The following DENND5B variants were observed in gnomAD, a reference collection of about 807,000 sequenced individuals.
DENND5B encodes DENN domain-containing protein 5B.
A neutral mutation model predicts 140.6 loss-of-function variants in DENND5B; 34 were observed. The ratio of observed to expected loss-of-function variants is 0.24; its 90% CI spans 0.18 to 0.32. The LOEUF (loss-of-function observed/expected upper bound fraction) is 0.32, where lower values mean the gene tolerates loss of function less well. Ranked by LOEUF, DENND5B falls within the 10% of genes least tolerant of loss-of-function variation. The pLI, the probability that DENND5B is intolerant of heterozygous loss-of-function variation, is 1.00. For synonymous variants in DENND5B, 551 were observed against 562.1 expected, an observed-to-expected ratio of 0.98 and a Z score of 0.28; for missense variants, 1,142 against 1,560.2, an observed-to-expected ratio of 0.73 and a Z score of 4.52.
intron 12 of DENND5B, among the ~76,000 whole-genome samples, chr12:31,414,819 G>A (rs147941637): frequency 4.1e-4 from 63 of 152,130 alleles, no homozygotes; most frequent in Non-Finnish European, 2.2e-4. Context: ...CTACTCAGGA[G>A]GCTGAGGCAG....
chr12:31,545,592 G>A (rs1242923228), intron 1 of DENND5B, among the ~76,000 whole-genome samples: 4 of 152,194 alleles, frequency 2.6e-5, no homozygotes, highest in Non-Finnish European at 5.9e-5. Flanking sequence ...TAAAATGTAT[G>A]TAGTAATGAA....
chr12:31,527,780 G>GA (rs914212249), intron 1 of DENND5B, among the ~76,000 whole-genome samples: 2,273 of 146,070 alleles, frequency 0.016, 60 homozygotes, highest in African/African-American at 0.049. Flanking sequence ...TCCATTTGGG[G>GA]AAAAAAAAAA....
At chr12:31,488,274 C>A (rs1946389027) in intron 2 of DENND5B, among the ~76,000 whole-genome samples, 1 of 151,984 alleles carries the variant, frequency 6.6e-6, no homozygotes. Context: ...AGTGCCTGGA[C>A]TTCAGCTTGT....
intron 10 of DENND5B, 102 bp downstream of exon 10, chr12:31,424,433 C>A: frequency 1.5e-6 from 2 of 1,377,544 alleles, no homozygotes; most frequent in Admixed American, 3.2e-5. Flanking sequence ...CCCCTTGTGA[C>A]AAAAGAGCCT....
intron 2 of DENND5B, among the ~76,000 whole-genome samples, chr12:31,490,128 TG>T (rs1946467409): frequency 7.9e-6 from 1 of 126,292 alleles, no homozygotes; most frequent in Non-Finnish European, 1.7e-5. Context: ...GGTGGATGGT[TG>T]TACCATTCAC....
At chr12:31,432,922 A>T in intron 8 of DENND5B, 1 of 462,576 alleles carries the variant, frequency 2.2e-6, no homozygotes, top group Non-Finnish European at 3.8e-6. Context: ...ACTTGATGTA[A>T]TACACAGAAA....
chr12:31,516,891 A>T (rs562244041), intron 1 of DENND5B, among the ~76,000 whole-genome samples: 2 of 152,174 alleles, frequency 1.3e-5, no homozygotes, highest in Non-Finnish European at 2.9e-5. Context: ...GTGAGCCCTG[A>T]TCGTGCCACT....
rs1178100381 is a variant in DENND5B at position 31,494,195 on chromosome 12, T to TCCAC, written c.237+1614_237+1615insGTGG. On this transcript the variant is annotated intron_variant, in intron 2 of 20. Transcript: ENST00000389082. ...ATCTATCTATCTATCCATCCATCCA[T>TCCAC]CCATCCACCTACCTACCTACCTACC... Among the ~76,000 whole-genome samples the TCCAC allele has an allele frequency of 4.9e-3, 520 of 105,736 alleles. 13 individuals carry two copies. The highest frequency in any genetic ancestry group is 0.032 in the East Asian group (110 of 3,476). The allele number at this position is 105,736 out of a possible 152,430, so 69.4% of individuals were successfully genotyped here.
intron 19 of DENND5B, 129 bp from the exon 20 acceptor site, chr12:31,389,627 T>C (rs983862549): frequency 1.2e-6 from 1 of 814,048 alleles, no homozygotes; most frequent in African/African-American, 1.7e-5. Flanking sequence ...GCCAATATCA[T>C]TACTTTATCA....
chr12:31,543,523 T>C (rs910548755), intron 1 of DENND5B, among the ~76,000 whole-genome samples: 1 of 152,194 alleles, frequency 6.6e-6, no homozygotes, highest in African/African-American at 2.4e-5. Context: ...AAACATACTG[T>C]GCTACCATTT....
In DENND5B at chr12:31,408,353, G is replaced by A. The variant is rs575923782; in HGVS notation, c.2803+910C>T. ...AAACAACAAAATCTCCAGGTCCAGC[G>A]TGGTGGCTCATGCCTGTAATCCCAG... On this transcript the variant is annotated intron_variant, in intron 14 of 20. Coordinates refer to ENST00000389082, the MANE Select transcript of DENND5B (RefSeq NM_144973.4). Among the ~76,000 whole-genome samples the A allele has an allele frequency of 4.0e-5, 6 of 150,728 alleles. No homozygotes were observed. In the South Asian group the frequency reaches 8.5e-4, roughly 21 times the overall value.
chr12:31,508,352 C>G (rs1419100593), intron 1 of DENND5B, among the ~76,000 whole-genome samples: 2 of 152,148 alleles, frequency 1.3e-5, no homozygotes, highest in South Asian at 4.1e-4. Context: ...CACAAAAATA[C>G]CACTTTCTTC....
chr12:31,501,392 T>C (rs1725014359), intron 1 of DENND5B, among the ~76,000 whole-genome samples: 1 of 152,228 alleles, frequency 6.6e-6, no homozygotes, highest in Admixed American at 6.5e-5. Flanking sequence ...TTCAACCTCT[T>C]TCCTTTATAA....
chr12:31,443,014 C>T (rs1944107146), intron 6 of DENND5B, 89 bp from the exon 7 acceptor site: 1 of 1,228,950 alleles, frequency 8.1e-7, no homozygotes, highest in African/African-American at 1.5e-5. Flanking sequence ...CTACAGAGAA[C>T]CCAATCACTC....
rs538752697 is a variant in DENND5B at position 31,509,185 on chromosome 12, C to T, written c.128-13266G>A. Reference sequence around the variant, plus strand: ...TTTTACTATCCACCAAGAATCTCCACTTGCTGTCTCAGACTCAGCAGCCTC... The same window carrying T: ...TTTTACTATCCACCAAGAATCTCCATTTGCTGTCTCAGACTCAGCAGCCTC... On this transcript the variant is annotated intron_variant, in intron 1 of 20. Transcript: ENST00000389082. 3.3e-5 allele frequency among the ~76,000 whole-genome samples: 5 copies of T among 152,314 alleles called. No individual in the cohort carries two copies. In the East Asian group the frequency reaches 9.6e-4, roughly 29 times the overall value.
Position 31,442,804 on chromosome 12 carries a change from A to G in DENND5B, c.1983T>C (p.Asp661=), listed in dbSNP as rs184476075. 114 of 1,613,796 alleles carry G rather than the reference A, an allele frequency of 7.1e-5. No individual in the cohort carries two copies. In the East Asian group the frequency reaches 1.5e-3, roughly 22 times the overall value. ...TACTGGTTGGTCCTGTTGCCAAGAC[A>G]TCGGACTGTAACTTTGGAAAGAACC... ...EQGFFPKLQS[D]VLATGPTSNN... The change falls in exon 7 of 21, where the codon GAT becomes GAC. Residue 661 remains aspartate, a synonymous_variant. Coordinates refer to ENST00000389082, the MANE Select transcript of DENND5B (RefSeq NM_144973.4).
chr12:31,544,305 A>C (rs1233816886), intron 1 of DENND5B, among the ~76,000 whole-genome samples: 1 of 152,206 alleles, frequency 6.6e-6, no homozygotes, highest in African/African-American at 2.4e-5. Flanking sequence ...TTTTTGAGAC[A>C]GGGTTTCACT....
chr12:31,513,838 A>T (rs1191972272), intron 1 of DENND5B, among the ~76,000 whole-genome samples: 3 of 145,360 alleles, frequency 2.1e-5, no homozygotes, highest in South Asian at 2.2e-4. Flanking sequence ...CTCAGATAAC[A>T]TTTTTTTTTT....
At chr12:31,515,481 T>C (rs1947598504) in intron 1 of DENND5B, among the ~76,000 whole-genome samples, 1 of 152,182 alleles carries the variant, frequency 6.6e-6, no homozygotes, top group African/African-American at 2.4e-5. Context: ...TGTAAGACCA[T>C]TCCACATACT....
Sources: allele counts gnomAD v4.1 joint callset (sites outside exome capture counted in the v4.1 genomes callset), GRCh38; gene constraint gnomAD v4.1.1; transcripts MANE v1.5; gene names NCBI Gene and HGNC (gene_info 2026-07-23, HGNC 2026-07-21).